KMT2A: variants seen among roughly 807,000 people sequenced by gnomAD.
KMT2A encodes the protein lysine methyltransferase 2A, also known as histone-lysine N-methyltransferase 2A.
KMT2A carries 16 observed loss-of-function variants against 345.3 expected under a neutral mutation model. That is an observed-to-expected ratio of 0.05 (90% CI 0.03 to 0.07). KMT2A has a LOEUF of 0.07. KMT2A is among the 10% of genes least tolerant of loss of function. KMT2A has a pLI of 1.00. For synonymous variants in KMT2A, 1,599 were observed against 1,778.6 expected, an observed-to-expected ratio of 0.90 and a Z score of 2.54; for missense variants, 3,272 against 4,841.6, an observed-to-expected ratio of 0.68 and a Z score of 9.62.
intron 7 of KMT2A, 115 bp from the exon 8 acceptor site, chr11:118,482,307 C>A (rs1347073162): frequency 1.4e-5 from 13 of 930,188 alleles, no homozygotes; most frequent in Non-Finnish European, 1.9e-5. Flanking sequence ...CTGTTCGAAG[C>A]CTAGAGTTTA....
chr11:118,503,197 C>G lies in KMT2A; in HGVS notation c.7305C>G (p.Ser2435=), dbSNP rs782004828. 1.9e-6 allele frequency: 3 copies of G among 1,613,950 alleles called. No individual in the cohort carries two copies. The highest frequency in any genetic ancestry group is 2.5e-6 in the Non-Finnish European group (3 of 1,179,914). ...SRDRRQKGKK[S]CKETFKEKHS... Reference sequence around the variant, plus strand: ...ATAGGAGACAGAAAGGGAAAAAATCCTGTAAAGAAACTTTCAAAGAAAAGC... The same window carrying G: ...ATAGGAGACAGAAAGGGAAAAAATCGTGTAAAGAAACTTTCAAAGAAAAGC... The change falls in exon 27 of 36, where the codon TCC becomes TCG. Residue 2435 remains serine, a synonymous_variant. Coordinates refer to ENST00000534358, the MANE Select transcript of KMT2A (RefSeq NM_001197104.2). The surrounding 1 kb of genome is among the most constrained non-coding windows in gnomAD (Gnocchi z 5.3).
intron 11 of KMT2A, among the ~76,000 whole-genome samples, chr11:118,488,996 G>A (rs1407347111): frequency 6.6e-5 from 10 of 152,032 alleles, no homozygotes; most frequent in Admixed American, 3.9e-4. Flanking sequence ...TATGGTGGGC[G>A]GATCACTTGA....
At chr11:118,439,043 G>T (rs1395718429) in intron 1 of KMT2A, 2 of 513,772 alleles carry the variant, frequency 3.9e-6, no homozygotes, top group Non-Finnish European at 7.8e-6. Context: ...CAGATCCCAT[G>T]TAGTTGGAGA....
At chr11:118,437,795 G>T (rs1419945190) in intron 1 of KMT2A, among the ~76,000 whole-genome samples, 1 of 152,044 alleles carries the variant, frequency 6.6e-6, no homozygotes, top group Admixed American at 6.5e-5. Flanking sequence ...ATCTTGGAGG[G>T]GAAAATAGTC....
At chr11:118,499,715 G>C in intron 23 of KMT2A, 120 bp from the exon 24 acceptor site, 1 of 752,968 alleles carries the variant, frequency 1.3e-6, no homozygotes, top group Non-Finnish European at 2.3e-6. Flanking sequence ...CGGAGGCAGA[G>C]GCTGCAGTGA....
In KMT2A at chr11:118,510,115, G is replaced by A; in HGVS notation, c.11068G>A (p.Glu3690Lys). ...CTTTCAGATCTGTGCAGAAAGTATT[G>A]AAGGTGAGTGGATTAAATCAGGTTG... is the stretch of plus-strand genomic sequence containing the variant. ...DGFQICAESI[E>K]DAWKSLTDKV... The change falls in exon 30 of 36, where the codon GAA becomes AAA. Residue 3690 changes from glutamate (E) to lysine (K), a missense_variant. Physicochemically the swap from Glu to Lys is moderately conservative, Grantham distance 56. This residue lies in a region of KMT2A where 72 missense variants were observed against 135.6 expected (regional missense o/e 0.53). Coordinates refer to ENST00000534358, the MANE Select transcript of KMT2A (RefSeq NM_001197104.2). This position sits in a 1 kb window ranked among gnomAD's most constrained non-coding sequence, Gnocchi z 4.1. 2 of 1,603,388 alleles carry A rather than the reference G, an allele frequency of 1.2e-6. No homozygotes were observed. The highest frequency in any genetic ancestry group is 1.7e-6 in the Non-Finnish European group (2 of 1,173,684).
rs782789544 is a variant in KMT2A, at chr11:118,474,166, A to G, written c.3007A>G (p.Thr1003Ala). Residue 1003 changes from threonine (T) to alanine (A), a missense_variant, in exon 3 of 36, where the codon ACT becomes GCT. By Grantham distance (58) the Thr-to-Ala change is moderately conservative (BLOSUM62 0). This residue lies in a region of KMT2A where 39 missense variants were observed against 88.9 expected (regional missense o/e 0.44). Transcript: ENST00000534358. ...TPSSSTVKHS[T>A]SSIGSMLAQA... ...TTCATCTAGCACTGTTAAACATTCC[A>G]CTTCCTCCATAGGCTCCATGTTGGC... The G allele has an allele frequency of 1.9e-6, 3 of 1,613,960 alleles. No individual in the cohort carries two copies. The highest frequency in any genetic ancestry group is 2.5e-6 in the Non-Finnish European group (3 of 1,180,022).
At chr11:118,443,866 G>A (rs1949363244) in intron 1 of KMT2A, among the ~76,000 whole-genome samples, 1 of 152,108 alleles carries the variant, frequency 6.6e-6, no homozygotes, top group South Asian at 2.1e-4. Context: ...CGTATATAGT[G>A]TTTTATCCAT....
intron 5 of KMT2A, among the ~76,000 whole-genome samples, chr11:118,479,632 A>G (rs923685015): frequency 5.9e-5 from 9 of 152,248 alleles, no homozygotes; most frequent in African/African-American, 2.2e-4. Flanking sequence ...AGTACATGAT[A>G]GCAAGATAAA....
In KMT2A at chr11:118,523,020, G is replaced by A. The variant is rs1951004835; in HGVS notation, c.*848G>A. 1 of 220,288 alleles carries A rather than the reference G, an allele frequency of 4.5e-6. No homozygotes were observed. The highest frequency in any genetic ancestry group is 5.8e-5 in the Admixed American group (1 of 17,272). 13.6% of individuals were successfully genotyped at this position (220,288 alleles called of 1,614,324 possible). On this transcript the variant is annotated 3_prime_UTR_variant, in exon 36 of 36. Coordinates refer to ENST00000534358, the MANE Select transcript of KMT2A (RefSeq NM_001197104.2). ...GATGTGCCTGCAAAAAGTTCCCTGA[G>A]CCTGTAAGCACTCCAGGTGGGGAAG...
intron 1 of KMT2A, among the ~76,000 whole-genome samples, chr11:118,466,335 A>G (rs1402755865): frequency 1.3e-5 from 2 of 152,220 alleles, no homozygotes; most frequent in Middle Eastern, 3.4e-3. Flanking sequence ...GCAAATTTTA[A>G]AATTTTCTGT....
chr11:118,448,808 C>G (rs782169403), intron 1 of KMT2A: 1 of 152,160 alleles, frequency 6.6e-6, no homozygotes, highest in Non-Finnish European at 1.5e-5. Flanking sequence ...TGGATTGTTG[C>G]AGGAATTCTG....
At position 118,436,537 on chromosome 11, in the gene KMT2A, T is replaced by G. The variant is rs2134151964; in HGVS notation, c.25T>G (p.Phe9Val). 23 of 1,235,320 alleles carry G rather than the reference T, an allele frequency of 1.9e-5. No homozygotes were observed. The highest frequency in any genetic ancestry group is 3.2e-5 in the East Asian group (1 of 31,180). 76.5% of individuals were successfully genotyped at this position (1,235,320 alleles called of 1,614,324 possible). A position where few individuals can be genotyped will look rare whatever the true frequency, so the allele number is the denominator to read the frequency against. Residue 9 changes from phenylalanine (F) to valine (V), a missense_variant, in exon 1 of 36, where the codon TTC (phenylalanine) becomes GTC (valine). Phe to Val is a conservative substitution (Grantham distance 50). Coordinates refer to ENST00000534358, the MANE Select transcript of KMT2A (RefSeq NM_001197104.2). This position sits in a 1 kb window ranked among gnomAD's most constrained non-coding sequence, Gnocchi z 6.9. MAHSCRWR[F>V]PARPGTTGGG... is the part of the protein sequence containing the mutation. ...CATGGCGCACAGCTGTCGGTGGCGC[T>G]TCCCCGCCCGACCCGGGACCACCGG...
chr11:118,459,215 A>G (rs181772677), intron 1 of KMT2A, among the ~76,000 whole-genome samples: 11 of 152,226 alleles, frequency 7.2e-5, no homozygotes, highest in Non-Finnish European at 1.5e-4. Flanking sequence ...GATTAAAGGC[A>G]TGTACCACTA....
chr11:118,458,712 G>A (rs1555031633), intron 1 of KMT2A, among the ~76,000 whole-genome samples: 3 of 152,274 alleles, frequency 2.0e-5, no homozygotes, highest in African/African-American at 7.2e-5. Context: ...TAAGACCTTG[G>A]TATTTTGAAG....
At chr11:118,460,549 C>T (rs1416941997) in intron 1 of KMT2A, among the ~76,000 whole-genome samples, 11 of 152,180 alleles carry the variant, frequency 7.2e-5, no homozygotes, top group Admixed American at 5.9e-4. Context: ...CTTGGCCTCA[C>T]AAAATGCTGG....
chr11:118,449,302 A>AAT (rs1164570159), intron 1 of KMT2A: 1 of 151,400 alleles, frequency 6.6e-6, no homozygotes, highest in Non-Finnish European at 1.5e-5. Context: ...TCACAACTGT[A>AAT]ATACCAGCAC....
intron 1 of KMT2A, among the ~76,000 whole-genome samples, chr11:118,441,285 A>G (rs1555140060): frequency 4.6e-5 from 7 of 151,980 alleles, no homozygotes; most frequent in African/African-American, 9.7e-5. Flanking sequence ...GTAATTTTTA[A>G]TATCAGATTA....
intron 8 of KMT2A, among the ~76,000 whole-genome samples, chr11:118,483,511 T>C (rs1950178424): frequency 6.6e-6 from 1 of 152,166 alleles, no homozygotes; most frequent in African/African-American, 2.4e-5. Flanking sequence ...CCAGCTTGGG[T>C]GACACCGAGA....
Sources: allele counts gnomAD v4.1 joint callset (sites outside exome capture counted in the v4.1 genomes callset), GRCh38; gene constraint gnomAD v4.1.1; regional missense constraint gnomAD v4.1.1; non-coding constraint Gnocchi (gnomAD v3.1); transcripts MANE v1.5; gene names NCBI Gene and HGNC (gene_info 2026-07-23, HGNC 2026-07-21).